Variants in EYS observed in about 807,000 individuals in gnomAD.
EYS encodes protein eyes shut homolog.
A neutral mutation model predicts 282.1 loss-of-function variants in EYS; 250 were observed. That is an observed-to-expected ratio of 0.89 (90% CI 0.80 to 0.98). EYS has a LOEUF of 0.98. EYS is among the 50% of genes least tolerant of loss of function. The pLI, the probability that EYS is intolerant of heterozygous loss-of-function variation, is 0.00. For missense variants in EYS, 4,016 were observed against 3,709.0 expected (o/e 1.08, Z -2.15); for synonymous variants, 1,355 against 1,282.9 (o/e 1.06, Z -1.20).
At chr6:64,600,107 A>T (rs1333093475) in intron 24 of EYS, among the ~76,000 whole-genome samples, 1 of 152,066 alleles carries the variant, frequency 6.6e-6, no homozygotes, top group Non-Finnish European at 1.5e-5. Flanking sequence ...ATACAGAAAA[A>T]ACCCAGCATC....
At chr6:65,194,236 C>T (rs1490618602) in intron 12 of EYS, among the ~76,000 whole-genome samples, 1 of 151,338 alleles carries the variant, frequency 6.6e-6, no homozygotes, top group Non-Finnish European at 1.5e-5. Context: ...AAAAAGAAAA[C>T]AATCAAACAA....
chr6:65,237,743 G>A (rs1194140813), intron 12 of EYS, among the ~76,000 whole-genome samples: 2 of 152,100 alleles, frequency 1.3e-5, no homozygotes, highest in African/African-American at 4.8e-5. Flanking sequence ...AGGATCTGCT[G>A]TTTAGGACCC....
intron 11 of EYS, among the ~76,000 whole-genome samples, chr6:65,311,135 C>A (rs1166257789): frequency 6.6e-6 from 1 of 151,632 alleles, no homozygotes; most frequent in Non-Finnish European, 1.5e-5. Flanking sequence ...GCCAAAAGGC[C>A]GAGAAGCGAT....
At chr6:63,997,057 TA>T (rs1767868081) in intron 34 of EYS, among the ~76,000 whole-genome samples, 1 of 152,184 alleles carries the variant, frequency 6.6e-6, no homozygotes, top group Non-Finnish European at 1.5e-5. Flanking sequence ...TACTAAATTA[TA>T]ATGAGTAGAG....
chr6:64,226,001 C>G (rs2150335711), intron 31 of EYS, among the ~76,000 whole-genome samples: 1 of 152,198 alleles, frequency 6.6e-6, no homozygotes, highest in African/African-American at 2.4e-5. Flanking sequence ...TGGATATTAA[C>G]ATTTGAAAAG....
intron 26 of EYS, among the ~76,000 whole-genome samples, chr6:64,506,663 A>C (rs1437798755): frequency 6.6e-6 from 1 of 152,152 alleles, no homozygotes; most frequent in Non-Finnish European, 1.5e-5. Flanking sequence ...ATGCAATCCC[A>C]GCACGTTGGG....
At chr6:64,984,343 T>A (rs1014511640) in intron 14 of EYS, among the ~76,000 whole-genome samples, 3 of 151,422 alleles carry the variant, frequency 2.0e-5, no homozygotes, top group Admixed American at 6.6e-5. Flanking sequence ...CTAAAAGACA[T>A]ATGATAATAT....
chr6:65,430,756 T>C (rs1049035112), intron 5 of EYS, among the ~76,000 whole-genome samples: 1 of 152,178 alleles, frequency 6.6e-6, no homozygotes, highest in African/African-American at 2.4e-5. Flanking sequence ...AGCTGCCAGA[T>C]GGCATTTCTA....
chr6:65,413,389 A>G (rs368939168), intron 5 of EYS, among the ~76,000 whole-genome samples: 7 of 152,314 alleles, frequency 4.6e-5, no homozygotes, highest in East Asian at 3.9e-4. Context: ...AAATACATAT[A>G]ATCAATTAAT....
intron 26 of EYS, among the ~76,000 whole-genome samples, chr6:64,513,849 T>C (rs1777480707): frequency 6.6e-6 from 1 of 151,752 alleles, no homozygotes; most frequent in South Asian, 2.1e-4. Flanking sequence ...GAACTTTAGA[T>C]CTAATGAGAA....
intron 2 of EYS, among the ~76,000 whole-genome samples, chr6:65,605,852 G>T (rs900149183): frequency 6.6e-5 from 10 of 151,632 alleles, no homozygotes; most frequent in African/African-American, 2.4e-4. Flanking sequence ...ATGCATAAAA[G>T]AATAAACGTC....
At chr6:65,080,534 T>A (rs1774202001) in intron 12 of EYS, among the ~76,000 whole-genome samples, 1 of 152,094 alleles carries the variant, frequency 6.6e-6, no homozygotes, top group Admixed American at 6.6e-5. Flanking sequence ...TATCTACTGA[T>A]ATTAGATATC....
chr6:64,227,165 T>C (rs966559926), intron 31 of EYS, among the ~76,000 whole-genome samples: 6 of 152,104 alleles, frequency 3.9e-5, no homozygotes, highest in Admixed American at 2.6e-4. Context: ...TTTTATATTT[T>C]AGTTTAAGTG....
chr6:65,630,986 T>A (rs1338534654), intron 2 of EYS, among the ~76,000 whole-genome samples: 2 of 152,210 alleles, frequency 1.3e-5, no homozygotes, highest in Non-Finnish European at 2.9e-5. Flanking sequence ...TTTTAAAAAG[T>A]AATATATTGG....
Position 64,028,579 on chromosome 6 carries a change from C to T in EYS, c.6726-29396G>A, listed in dbSNP as rs373723890. On this transcript the variant is annotated intron_variant, in intron 33 of 42. Coordinates refer to ENST00000503581, the MANE Select transcript of EYS (RefSeq NM_001142800.2). ...CTCAAGGATGCCTTCTTCTATATTCCCCTGCACTCTGAGTCCCAGTTCCTC... is the reference window on the plus strand; with the variant it reads ...CTCAAGGATGCCTTCTTCTATATTCTCCTGCACTCTGAGTCCCAGTTCCTC... 3.3e-5 allele frequency among the ~76,000 whole-genome samples: 5 copies of T among 152,258 alleles called. No homozygotes were observed. In the East Asian group the frequency reaches 7.7e-4, roughly 24 times the overall value.
rs551449778 is a variant in EYS at position 64,532,445 on chromosome 6, C to G, written c.5644+57778G>C. Among the ~76,000 whole-genome samples the G allele has an allele frequency of 7.2e-5, 11 of 152,304 alleles. No homozygotes were observed. The East Asian group carries it at 1.9e-3, about 27-fold the overall frequency. ...ATATTCTAGGCCGGGCGCGGTGGCT[C>G]ACGCCTGTAATCCCAGCACTTTGGG... On this transcript the variant is annotated intron_variant, in intron 26 of 42. Coordinates refer to ENST00000503581, the MANE Select transcript of EYS (RefSeq NM_001142800.2).
chr6:65,706,617 T>A (rs1561914822), intron 1 of EYS, among the ~76,000 whole-genome samples: 1 of 152,118 alleles, frequency 6.6e-6, no homozygotes, highest in Non-Finnish European at 1.5e-5. Context: ...CACAGTGCCA[T>A]TGAAGAGGAA....
chr6:63,827,716 C>T (rs945222183), intron 36 of EYS, among the ~76,000 whole-genome samples: 40 of 151,704 alleles, frequency 2.6e-4, no homozygotes, highest in African/African-American at 7.0e-4. Context: ...CTGTGGCGGG[C>T]GCCTGTAGTC....
intron 30 of EYS, among the ~76,000 whole-genome samples, chr6:64,235,988 C>T (rs1270321760): frequency 2.0e-5 from 3 of 152,178 alleles, no homozygotes; most frequent in East Asian, 1.9e-4. Context: ...CCAGCATCAT[C>T]CTGATACCAA....
Sources: allele counts gnomAD v4.1 joint callset (sites outside exome capture counted in the v4.1 genomes callset), GRCh38; gene constraint gnomAD v4.1.1; transcripts MANE v1.5; gene names NCBI Gene and HGNC (gene_info 2026-07-23, HGNC 2026-07-21).